Variants in SLC24A2 observed in about 807,000 individuals in gnomAD.
The protein encoded by SLC24A2 is sodium/potassium/calcium exchanger 2.
Under a neutral mutation model 62.0 loss-of-function variants are expected in SLC24A2, and 36 were observed. That is an observed-to-expected ratio of 0.58 (90% CI 0.44 to 0.77). The LOEUF is 0.77. Ranked by LOEUF, SLC24A2 falls within the 30% of genes least tolerant of loss-of-function variation. SLC24A2 has a pLI of 0.00. For synonymous variants in SLC24A2, 358 were observed against 294.0 expected (o/e 1.22, Z -2.23); for missense variants, 846 against 817.9 (o/e 1.03, Z -0.42).
At chr9:19,833,795 C>A in the SLC24A2 span, among the ~76,000 whole-genome samples, 2 of 152,354 alleles carry the variant, frequency 1.3e-5, no homozygotes, top group South Asian at 4.1e-4. Flanking sequence ...TGGTCCCTGA[C>A]CCCCGAGTAG....
At position 19,788,856 on chromosome 9, in the gene SLC24A2, G is replaced by A. The variant is rs899094563; in HGVS notation, c.-154+29C>T. On this transcript the variant is annotated intron_variant, in intron 1 of 10. Transcript: ENST00000341998. ...GACGACCGCCACAGCGGCTACAGCG[G>A]CAGGCGGGGCGCAGCCGCCCGCACT... 1.2e-5 allele frequency: 12 copies of A among 985,338 alleles called. No individual in the cohort carries two copies. The African/African-American group carries it at 1.6e-4, about 13-fold the overall frequency. 61.0% of individuals were successfully genotyped at this position (985,338 alleles called of 1,614,324 possible).
intron 2 of SLC24A2, among the ~76,000 whole-genome samples, chr9:19,764,279 A>AT (rs1375735982): frequency 6.6e-6 from 1 of 151,972 alleles, no homozygotes. Context: ...GGATTCACTG[A>AT]TTTTTTTGAA....
Position 19,547,180 on chromosome 9 carries a change from C to A in SLC24A2, c.1479+2957G>T, listed in dbSNP as rs182071630. Among the ~76,000 whole-genome samples the A allele has an allele frequency of 2.4e-3, 358 of 152,262 alleles. 2 individuals are homozygous for A. The highest frequency in any genetic ancestry group is 4.2e-3 in the Non-Finnish European group (283 of 68,018). On this transcript the variant is annotated intron_variant, in intron 8 of 10. Transcript: ENST00000341998. ...TATTTGTGAAGGAAGTTGAAAAAAACCAAAGTGTTCTTCCTAAGAGTCTTA... is the reference window on the plus strand; with the variant it reads ...TATTTGTGAAGGAAGTTGAAAAAAAACAAAGTGTTCTTCCTAAGAGTCTTA...
the SLC24A2 span, among the ~76,000 whole-genome samples, chr9:20,275,874 C>G: frequency 6.6e-6 from 1 of 152,094 alleles, no homozygotes; most frequent in Non-Finnish European, 1.5e-5. Context: ...AGGGAACTCC[C>G]CTTTACAAAA....
chr9:20,286,101 C>G, the SLC24A2 span, among the ~76,000 whole-genome samples: 18 of 152,196 alleles, frequency 1.2e-4, no homozygotes, highest in African/African-American at 4.3e-4. Flanking sequence ...ATATGAAGAA[C>G]TTATGCCTGC....
the SLC24A2 span, among the ~76,000 whole-genome samples, chr9:20,234,060 T>G: frequency 4.7e-4 from 71 of 152,252 alleles, 1 homozygote; most frequent in Non-Finnish European, 8.8e-4. Context: ...TGGTCCCCAC[T>G]CTCTTCTGGC....
At chr9:19,882,974 AT>A in the SLC24A2 span, among the ~76,000 whole-genome samples, 1 of 152,142 alleles carries the variant, frequency 6.6e-6, no homozygotes, top group Non-Finnish European at 1.5e-5. Context: ...CTGACTAAAC[AT>A]TTTTTTAGCA....
chr9:20,214,649 A>G, the SLC24A2 span, among the ~76,000 whole-genome samples: 31 of 152,048 alleles, frequency 2.0e-4, no homozygotes, highest in African/African-American at 7.5e-4. Flanking sequence ...AATTGTTAAA[A>G]GGGTAAATCT....
At chr9:20,053,089 C>T in the SLC24A2 span, among the ~76,000 whole-genome samples, 1 of 152,104 alleles carries the variant, frequency 6.6e-6, no homozygotes, top group Non-Finnish European at 1.5e-5. Flanking sequence ...GAGAGGTTTT[C>T]CTAATTTGAC....
intron 7 of SLC24A2, among the ~76,000 whole-genome samples, chr9:19,567,090 C>G (rs1367303530): frequency 6.7e-6 from 1 of 150,124 alleles, no homozygotes; most frequent in African/African-American, 2.5e-5. Context: ...CACATGTACC[C>G]TAGAACTTAA....
At chr9:20,248,694 C>T in the SLC24A2 span, among the ~76,000 whole-genome samples, 14 of 152,240 alleles carry the variant, frequency 9.2e-5, no homozygotes, top group South Asian at 2.1e-4. Flanking sequence ...CAGTCTACAC[C>T]GAGCATTTCT....
At chr9:20,152,047 A>G in the SLC24A2 span, among the ~76,000 whole-genome samples, 2 of 151,858 alleles carry the variant, frequency 1.3e-5, no homozygotes, top group Non-Finnish European at 2.9e-5. Flanking sequence ...CATGGTATCC[A>G]GCCTTGGGTT....
chr9:19,950,341 A>C, the SLC24A2 span, among the ~76,000 whole-genome samples: 1 of 152,204 alleles, frequency 6.6e-6, no homozygotes, highest in Non-Finnish European at 1.5e-5. Flanking sequence ...TGTTTAAGCT[A>C]TTTGGTCTCT....
chr9:20,089,890 C>T, the SLC24A2 span, among the ~76,000 whole-genome samples: 2 of 151,984 alleles, frequency 1.3e-5, no homozygotes, highest in Admixed American at 6.6e-5. Flanking sequence ...CAAGCGCAAC[C>T]CCAAGCTCAC....
At chr9:19,682,343 T>C (rs2118400893) in intron 2 of SLC24A2, among the ~76,000 whole-genome samples, 1 of 152,268 alleles carries the variant, frequency 6.6e-6, no homozygotes, top group East Asian at 1.9e-4. Context: ...GAATACAACC[T>C]GGGCCCTTCT....
the SLC24A2 span, among the ~76,000 whole-genome samples, chr9:20,135,499 A>C: frequency 1.3e-5 from 2 of 152,104 alleles, no homozygotes; most frequent in Admixed American, 1.3e-4. Context: ...TGCAGAGAGC[A>C]CTTAGCTATC....
chr9:19,716,224 C>T (rs1048562973), intron 2 of SLC24A2, among the ~76,000 whole-genome samples: 6 of 152,146 alleles, frequency 3.9e-5, no homozygotes, highest in Non-Finnish European at 5.9e-5. Flanking sequence ...ATGTGCAACA[C>T]GCTCACCCCT....
the SLC24A2 span, among the ~76,000 whole-genome samples, chr9:20,035,649 G>C: frequency 3.0e-3 from 452 of 152,252 alleles, 1 homozygote; most frequent in Non-Finnish European, 5.1e-3. Flanking sequence ...AGCTATTCGG[G>C]AGGCTGAGGC....
intron 8 of SLC24A2, among the ~76,000 whole-genome samples, chr9:19,539,087 TTCTC>T (rs1280553839): frequency 6.7e-5 from 5 of 74,872 alleles, no homozygotes; most frequent in Admixed American, 1.5e-4. Context: ...TATTTGATTC[TTCTC>T]TCTTTTTTTC....
Sources: gnomAD v4.1 joint callset for allele counts (sites outside exome capture counted in the v4.1 genomes callset) on GRCh38, gnomAD v4.1.1 for gene constraint, MANE v1.5 for transcripts, NCBI Gene and HGNC (gene_info 2026-07-23, HGNC 2026-07-21) for gene names.